POU2F2: variants seen among roughly 807,000 people sequenced by gnomAD.
POU2F2 encodes the protein POU domain, class 2, transcription factor 2.
POU2F2 carries 14 observed loss-of-function variants against 63.5 expected under a neutral mutation model. That is an observed-to-expected ratio of 0.22 (90% CI 0.15 to 0.34). The LOEUF is 0.34. POU2F2 is among the 10% of genes least tolerant of loss of function. The pLI, the probability that POU2F2 is intolerant of heterozygous loss-of-function variation, is 1.00. For synonymous variants in POU2F2, 306 were observed against 348.6 expected (o/e 0.88, Z 1.36); for missense variants, 607 against 815.2 (o/e 0.74, Z 3.11).
rs1046165268 is a variant in POU2F2, at chr19:42,089,915, G to C, written c.*1342C>G. The C allele has an allele frequency of 6.6e-6, 1 of 151,998 alleles. No individual in the cohort carries two copies. The highest frequency in any genetic ancestry group is 1.5e-5 in the Non-Finnish European group (1 of 67,998). The allele number at this position is 151,998 out of a possible 1,614,324, so 9.4% of individuals were successfully genotyped here. A position where few individuals can be genotyped will look rare whatever the true frequency, so the allele number is the denominator to read the frequency against. ...CGTGTCCGGGGCTGGTCAAACACAGGGTCCAGCCAAGAGTTGTGGAGGTCT... is the reference window on the plus strand; with the variant it reads ...CGTGTCCGGGGCTGGTCAAACACAGCGTCCAGCCAAGAGTTGTGGAGGTCT... On this transcript the variant is annotated 3_prime_UTR_variant, in exon 15 of 15. Coordinates refer to ENST00000692977, the MANE Select transcript of POU2F2 (RefSeq NM_001394376.1).
rs1351503065 is a variant in POU2F2 at position 42,096,970 on chromosome 19, A to T, written c.568-727T>A. Among the ~76,000 whole-genome samples the T allele has an allele frequency of 6.6e-6, 1 of 152,026 alleles. No homozygotes were observed. The highest frequency in any genetic ancestry group is 1.5e-5 in the Non-Finnish European group (1 of 68,014). ...ACAGCTCTTAAGAAATTAAGTCCTA[A>T]GCAATGAGTAGATTGCAAATAAAGT... On this transcript the variant is annotated intron_variant, in intron 7 of 14. Transcript: ENST00000692977. The surrounding 1 kb of genome is among the most constrained non-coding windows in gnomAD (Gnocchi z 4.1).
At position 42,092,119 on chromosome 19, in the gene POU2F2, A is replaced by AG; in HGVS notation, c.1415dup (p.Gln473SerfsTer55). ...AGCCGATAGCCGAGTGGCTGCCTTG[A>AG]GGGCTGGGGTTTGTGCTGTTGGTGG... is the stretch of plus-strand genomic sequence containing the variant. On this transcript the variant is annotated frameshift_variant, in exon 13 of 15. Coordinates refer to ENST00000692977, the MANE Select transcript of POU2F2 (RefSeq NM_001394376.1). LOFTEE classifies it high-confidence loss of function. This position sits in a 1 kb window ranked among gnomAD's most constrained non-coding sequence, Gnocchi z 5.0. The AG allele has an allele frequency of 6.8e-7, 1 of 1,467,108 alleles. No homozygotes were observed. Among genetic ancestry groups the AG allele is most frequent in the Non-Finnish European group, 9.1e-7 (1 of 1,098,508 alleles). The allele number at this position is 1,467,108 out of a possible 1,614,324, so 90.9% of individuals were successfully genotyped here. A position where few individuals can be genotyped will look rare whatever the true frequency, so the allele number is the denominator to read the frequency against.
At chr19:42,101,920 T>C (rs1320622509) in intron 5 of POU2F2, among the ~76,000 whole-genome samples, 1 of 149,900 alleles carries the variant, frequency 6.7e-6, no homozygotes, top group Non-Finnish European at 1.5e-5. Flanking sequence ...GAGGTTGCAG[T>C]GAGTTCAGAT....
At chr19:42,179,653 C>T (rs1021430071), upstream of POU2F2, among the ~76,000 whole-genome samples, 6 of 152,206 alleles carry the variant, frequency 3.9e-5, no homozygotes, top group South Asian at 2.1e-4. Flanking sequence ...TGAGTGGACA[C>T]GCGGGACCCT....
At chr19:42,109,556 G>A (rs925453030) in intron 5 of POU2F2, among the ~76,000 whole-genome samples, 3 of 152,222 alleles carry the variant, frequency 2.0e-5, no homozygotes, top group Admixed American at 6.5e-5. Context: ...GAGATAACAG[G>A]AATACATTCT....
chr19:42,122,964 C>T (rs777978632), intron 1 of POU2F2, among the ~76,000 whole-genome samples: 4 of 152,150 alleles, frequency 2.6e-5, no homozygotes, highest in Admixed American at 6.5e-5. Context: ...TGGGGCGGGC[C>T]GCCCAGGCTC....
At position 42,117,540 on chromosome 19, in the gene POU2F2, C is replaced by T; in HGVS notation, c.187-108G>A. 7 of 547,200 alleles carry T rather than the reference C, an allele frequency of 1.3e-5. No homozygotes were observed. Among genetic ancestry groups the T allele is most frequent in the South Asian group, 8.1e-5 (3 of 36,964 alleles). 33.9% of individuals were successfully genotyped at this position (547,200 alleles called of 1,614,324 possible). A position where few individuals can be genotyped will look rare whatever the true frequency, so the allele number is the denominator to read the frequency against. ...GTGCAGTCTGTGGTCCTGCACTGAC[C>T]GCTGGGAGCTTCAAACCACTCCTCT... On this transcript the variant is annotated intron_variant, in intron 4 of 14. Coordinates refer to ENST00000692977, the MANE Select transcript of POU2F2 (RefSeq NM_001394376.1). The surrounding 1 kb of genome is among the most constrained non-coding windows in gnomAD (Gnocchi z 4.4).
intron 7 of POU2F2, among the ~76,000 whole-genome samples, chr19:42,098,083 G>A (rs1599954273): frequency 6.6e-6 from 1 of 152,066 alleles, no homozygotes; most frequent in Non-Finnish European, 1.5e-5. Context: ...TGAGACTATA[G>A]GCATGCACCA....
At chr19:42,183,703 G>C (rs2034986782) in intron 1 of POU2F2, among the ~76,000 whole-genome samples, 1 of 152,192 alleles carries the variant, frequency 6.6e-6, no homozygotes, top group East Asian at 1.9e-4. Context: ...GGCAGTGACG[G>C]AAGGCTTCTG....
intron 2 of POU2F2, among the ~76,000 whole-genome samples, chr19:42,140,662 G>C (rs989109345): frequency 4.6e-5 from 7 of 152,132 alleles, no homozygotes; most frequent in African/African-American, 1.4e-4. Context: ...ATTTCCTTCA[G>C]AGCACTCTGA....
At chr19:42,197,734 A>C (rs187914921), upstream of POU2F2, among the ~76,000 whole-genome samples, 11 of 152,328 alleles carry the variant, frequency 7.2e-5, no homozygotes, top group Non-Finnish European at 1.6e-4. Flanking sequence ...GGTGAAGAGA[A>C]GGTTAATGTC....
At chr19:42,184,888 T>C (rs2034997603) in intron 1 of POU2F2, among the ~76,000 whole-genome samples, 1 of 152,086 alleles carries the variant, frequency 6.6e-6, no homozygotes, top group Admixed American at 6.6e-5. Flanking sequence ...CACATCAGGA[T>C]ACCCAGCCAC....
chr19:42,160,350 G>A (rs1314406511), exon 2 of POU2F2: 1 of 152,216 alleles, frequency 6.6e-6, no homozygotes, highest in Non-Finnish European at 1.5e-5. Context: ...CAGACGCAGC[G>A]AAGCTAATAC....
At chr19:42,124,319 GAA>G (rs1166838132) in intron 1 of POU2F2, among the ~76,000 whole-genome samples, 1 of 82,704 alleles carries the variant, frequency 1.2e-5, no homozygotes, top group Non-Finnish European at 2.6e-5. Context: ...AAAAAAAAAA[GAA>G]AAAAAAAAAG....
intron 1 of POU2F2, among the ~76,000 whole-genome samples, chr19:42,164,796 T>C (rs534374380): frequency 6.6e-6 from 1 of 151,960 alleles, no homozygotes; most frequent in East Asian, 1.9e-4. Flanking sequence ...ACTCTGTCTC[T>C]ACAAAAAATA....
intron 5 of POU2F2, among the ~76,000 whole-genome samples, chr19:42,101,934 G>A (rs1007852246): frequency 3.4e-5 from 5 of 148,820 alleles, no homozygotes; most frequent in Non-Finnish European, 5.9e-5. Context: ...TTCAGATTGC[G>A]CCACTGCACT....
intron 2 of POU2F2, among the ~76,000 whole-genome samples, chr19:42,150,257 G>T (rs2034314584): frequency 6.6e-6 from 1 of 151,998 alleles, no homozygotes; most frequent in Non-Finnish European, 1.5e-5. Context: ...CTGCAGGTTT[G>T]GGGTTAGGGA....
chr19:42,140,507 C>G (rs1195114081), intron 2 of POU2F2, among the ~76,000 whole-genome samples: 1 of 152,134 alleles, frequency 6.6e-6, no homozygotes, highest in Non-Finnish European at 1.5e-5. Flanking sequence ...CTAATTTTGT[C>G]CCCAACATGG....
At chr19:42,186,972 T>C (rs770759792) in intron 1 of POU2F2, among the ~76,000 whole-genome samples, 1 of 152,152 alleles carries the variant, frequency 6.6e-6, no homozygotes, top group Non-Finnish European at 1.5e-5. Flanking sequence ...AGCAAAGAGT[T>C]ATATTAGTTC....
Sources: gnomAD v4.1 joint callset for allele counts (sites outside exome capture counted in the v4.1 genomes callset) on GRCh38, gnomAD v4.1.1 for gene constraint, Gnocchi (gnomAD v3.1) non-coding constraint, MANE v1.5 for transcripts, NCBI Gene and HGNC (gene_info 2026-07-23, HGNC 2026-07-21) for gene names.